The following SPATA6L variants were observed in gnomAD, a reference collection of about 807,000 sequenced individuals.
SPATA6L encodes spermatogenesis associated 6-like protein.
Under a neutral mutation model 49.2 loss-of-function variants are expected in SPATA6L, and 68 were observed. That is an observed-to-expected ratio of 1.38 (90% CI 1.14 to 1.69). The LOEUF (loss-of-function observed/expected upper bound fraction) is 1.69. SPATA6L is among the 40% of genes most tolerant of loss of function. SPATA6L has a pLI of 0.00. For missense variants in SPATA6L, 668 were observed against 464.3 expected, an observed-to-expected ratio of 1.44 and a Z score of -4.03; for synonymous variants, 198 against 165.7, an observed-to-expected ratio of 1.19 and a Z score of -1.50.
Position 4,666,251 on chromosome 9 carries a change from C to G in SPATA6L, c.-1G>C. 1.2e-6 allele frequency: 2 copies of G among 1,614,154 alleles called. No individual in the cohort carries two copies. The highest frequency in any genetic ancestry group is 1.7e-6 in the Non-Finnish European group (2 of 1,180,014). ...GCTCCACCACCACCTCCAGAGGCAT[C>G]GTTCCCTGCGTGGGCGAAAGGACTG... is the stretch of plus-strand genomic sequence containing the variant. On this transcript the variant is annotated 5_prime_UTR_variant, in exon 1 of 12. Coordinates refer to ENST00000682582, the MANE Select transcript of SPATA6L (RefSeq NM_001353486.2).
chr9:4,632,010 T>G (rs945767547), intron 4 of SPATA6L, among the ~76,000 whole-genome samples: 16 of 150,078 alleles, frequency 1.1e-4, no homozygotes, highest in Non-Finnish European at 2.2e-4. Flanking sequence ...TGGTATACAG[T>G]GAGCACACAG....
chr9:4,650,893 G>T (rs546340816), intron 3 of SPATA6L, among the ~76,000 whole-genome samples: 12 of 149,438 alleles, frequency 8.0e-5, no homozygotes, highest in Non-Finnish European at 1.2e-4. Context: ...ATAGAGACAC[G>T]GTTTCACCAT....
intron 9 of SPATA6L, among the ~76,000 whole-genome samples, chr9:4,605,782 A>C (rs567276727): frequency 1.1e-3 from 161 of 152,366 alleles, no homozygotes; most frequent in African/African-American, 3.8e-3. Flanking sequence ...TTTAATATAA[A>C]ATTTAAATCC....
chr9:4,618,366 G>C (rs772614678), intron 8 of SPATA6L, among the ~76,000 whole-genome samples: 4 of 152,110 alleles, frequency 2.6e-5, no homozygotes, highest in African/African-American at 9.7e-5. Flanking sequence ...CTCATGCTCT[G>C]AACTTTGATT....
chr9:4,629,152 A>G lies in SPATA6L; in HGVS notation c.368T>C (p.Ile123Thr). The G allele has an allele frequency of 6.2e-7, 1 of 1,607,888 alleles. No individual in the cohort carries two copies. Among genetic ancestry groups the G allele is most frequent in the Non-Finnish European group, 8.5e-7 (1 of 1,178,830 alleles). The change falls in exon 5 of 12, where the codon ATA (isoleucine) becomes ACA (threonine). Residue 123 changes from isoleucine to threonine, a missense_variant. Coordinates refer to ENST00000682582, the MANE Select transcript of SPATA6L (RefSeq NM_001353486.2). ...GATGGCTGTCCTTGTAGAAAACTCTATTTTGGGAGCAATGCCCTATAAAAC... is the reference window on the plus strand; with the variant it reads ...GATGGCTGTCCTTGTAGAAAACTCTGTTTTGGGAGCAATGCCCTATAAAAC... ...ALGFPGIAPK[I>T]EFSTRTAIRE...
At chr9:4,616,963 T>C (rs554490473) in intron 9 of SPATA6L, among the ~76,000 whole-genome samples, 1 of 152,376 alleles carries the variant, frequency 6.6e-6, no homozygotes, top group Admixed American at 6.5e-5. Flanking sequence ...CATACGTTAA[T>C]GGATTTTATT....
chr9:4,664,407 C>T (rs1840539375), intron 1 of SPATA6L: 1 of 167,046 alleles, frequency 6.0e-6, no homozygotes, highest in Non-Finnish European at 1.5e-5. Flanking sequence ...CAGTATTTAA[C>T]TTGAAATTCA....
At chr9:4,649,578 G>T (rs1346484868) in intron 3 of SPATA6L, among the ~76,000 whole-genome samples, 3 of 152,182 alleles carry the variant, frequency 2.0e-5, no homozygotes, top group Non-Finnish European at 4.4e-5. Context: ...GGCTGTATTT[G>T]AACCCAAGTA....
intron 4 of SPATA6L, among the ~76,000 whole-genome samples, chr9:4,632,310 TG>T (rs1246101601): frequency 6.6e-6 from 1 of 152,024 alleles, no homozygotes; most frequent in Non-Finnish European, 1.5e-5. Flanking sequence ...AAGATGAAGC[TG>T]AAGGCCGGGC....
intron 9 of SPATA6L, among the ~76,000 whole-genome samples, chr9:4,606,680 C>T (rs1468569183): frequency 1.6e-5 from 2 of 122,990 alleles, no homozygotes; most frequent in Non-Finnish European, 3.3e-5. Context: ...TAGATAAAAC[C>T]ACAAAGATGG....
chr9:4,613,395 C>G (rs1408139845), intron 9 of SPATA6L, among the ~76,000 whole-genome samples: 1 of 152,018 alleles, frequency 6.6e-6, no homozygotes, highest in Non-Finnish European at 1.5e-5. Flanking sequence ...CGGCCCACAT[C>G]CAGGCCTCCA....
chr9:4,646,890 G>A (rs572898864), intron 3 of SPATA6L, among the ~76,000 whole-genome samples: 91 of 152,198 alleles, frequency 6.0e-4, no homozygotes, highest in Non-Finnish European at 1.2e-3. Flanking sequence ...GACACACAGA[G>A]GGGACCAATA....
chr9:4,632,698 G>C (rs868814871), intron 4 of SPATA6L, among the ~76,000 whole-genome samples: 18 of 152,132 alleles, frequency 1.2e-4, no homozygotes, highest in African/African-American at 2.4e-4. Context: ...CATTGGTTAA[G>C]AGCTGTTGGA....
intron 3 of SPATA6L, among the ~76,000 whole-genome samples, chr9:4,655,440 T>A (rs1036830201): frequency 2.6e-5 from 4 of 152,200 alleles, no homozygotes; most frequent in African/African-American, 9.7e-5. Context: ...TTTGTGGTGA[T>A]AAAAATATTC....
intron 2 of SPATA6L, among the ~76,000 whole-genome samples, chr9:4,658,950 CAAAA>C (rs34665368): frequency 2.1e-5 from 2 of 94,564 alleles, no homozygotes; most frequent in African/African-American, 4.1e-5. Context: ...ACTCTGTCTC[CAAAA>C]AAAAAAAAAA....
chr9:4,603,401 G>C lies in SPATA6L; in HGVS notation c.*1+778C>G, dbSNP rs574733008. Among the ~76,000 whole-genome samples the C allele has an allele frequency of 2.0e-5, 3 of 152,276 alleles. No individual in the cohort carries two copies. In the East Asian group the frequency reaches 5.8e-4, roughly 29 times the overall value. ...ACCAAGATTGCGCCATTGCACTCTAGCCTGGGTGACAGAGCTCCATGTCAA... is the reference window on the plus strand; with the variant it reads ...ACCAAGATTGCGCCATTGCACTCTACCCTGGGTGACAGAGCTCCATGTCAA... On this transcript the variant is annotated intron_variant, in intron 11 of 11. Transcript: ENST00000682582.
chr9:4,608,568 G>C (rs1364455020), intron 9 of SPATA6L, among the ~76,000 whole-genome samples: 2 of 131,208 alleles, frequency 1.5e-5, no homozygotes, highest in South Asian at 2.6e-4. Flanking sequence ...CGAAATGAAG[G>C]CAGAAATAAA....
intron 3 of SPATA6L, among the ~76,000 whole-genome samples, chr9:4,643,482 G>T (rs1356253376): frequency 1.3e-5 from 2 of 152,074 alleles, no homozygotes; most frequent in Admixed American, 6.5e-5. Context: ...TACCAAGAGA[G>T]AAATATTTTT....
chr9:4,647,606 A>T (rs1835703600), intron 3 of SPATA6L, among the ~76,000 whole-genome samples: 1 of 152,064 alleles, frequency 6.6e-6, no homozygotes, highest in Admixed American at 6.5e-5. Flanking sequence ...AAAACAAACA[A>T]ACAAAAAATA....
Sources: gnomAD v4.1 joint callset for allele counts (sites outside exome capture counted in the v4.1 genomes callset) on GRCh38, gnomAD v4.1.1 for gene constraint, MANE v1.5 for transcripts, NCBI Gene and HGNC (gene_info 2026-07-23, HGNC 2026-07-21) for gene names.